The following NDUFS7 variants were observed in gnomAD, a reference collection of about 807,000 sequenced individuals.
The protein encoded by NDUFS7 is NADH:ubiquinone oxidoreductase core subunit S7, also known as NADH dehydrogenase [ubiquinone] iron-sulfur protein 7, mitochondrial.
In NDUFS7, 11 loss-of-function variants were observed where a neutral mutation model predicts 31.1. That is an observed-to-expected ratio of 0.35 (90% CI 0.22 to 0.59). The LOEUF (loss-of-function observed/expected upper bound fraction) is 0.59. Ranked by LOEUF, NDUFS7 falls within the 20% of genes least tolerant of loss-of-function variation. The probability of loss-of-function intolerance (pLI) is 0.79; values close to 1 mark genes in which losing one functional copy is unlikely to be tolerated. For synonymous variants in NDUFS7, 136 were observed against 127.9 expected, an observed-to-expected ratio of 1.06 and a Z score of -0.43; for missense variants, 263 against 324.2, an observed-to-expected ratio of 0.81 and a Z score of 1.45.
chr19:1,390,764 G>A, intron 4 of NDUFS7, 107 bp from the exon 5 acceptor site: 1 of 1,356,464 alleles, frequency 7.4e-7, no homozygotes, highest in East Asian at 2.5e-5. Context: ...TCTGCCGGCT[G>A]CCGCCCCGGG....
chr19:1,387,933 G>GGGGCC, intron 2 of NDUFS7, 86 bp downstream of exon 2: 1 of 385,714 alleles, frequency 2.6e-6, no homozygotes, highest in Non-Finnish European at 5.1e-6. Flanking sequence ...GGGGTGGGGG[G>GGGGCC]AGCGCCTTGT....
chr19:1,394,492 C>T (rs543545943), intron 7 of NDUFS7: 181 of 1,266,864 alleles, frequency 1.4e-4, no homozygotes, highest in South Asian at 2.6e-4. Context: ...GGACTGCGCT[C>T]CTCCCTCCTT....
intron 1 of NDUFS7, among the ~76,000 whole-genome samples, chr19:1,384,516 T>G (rs918683250): frequency 1.3e-5 from 2 of 152,208 alleles, no homozygotes; most frequent in African/African-American, 4.8e-5. Context: ...ATTAAATGCA[T>G]GGAATAAAAT....
intron 1 of NDUFS7, chr19:1,386,460 G>C (rs1295144225): frequency 6.6e-6 from 1 of 152,142 alleles, no homozygotes; most frequent in Non-Finnish European, 1.5e-5. Flanking sequence ...TATCGGATGA[G>C]GGCCCACCCT....
chr19:1,389,250 T>C (rs375031179), intron 4 of NDUFS7: 25 of 647,804 alleles, frequency 3.9e-5, no homozygotes, highest in Admixed American at 6.3e-5. Flanking sequence ...TGCACACTCA[T>C]GCGCACATAT....
intron 2 of NDUFS7, 40 bp from the exon 3 acceptor site, chr19:1,388,485 G>A: frequency 1.3e-6 from 2 of 1,590,856 alleles, no homozygotes; most frequent in Non-Finnish European, 1.7e-6. Flanking sequence ...AGCTGGAGGG[G>A]CCTGGGACAG....
rs1232613718 is a variant in NDUFS7, at chr19:1,390,885, C to T, written c.243C>T (p.Pro81=). The part of the protein sequence containing the change: ...VNWARRSSLW[P]MTFGLACCAV... The stretch of plus-strand genomic sequence containing the variant: ...GGCCTCCGCAGAGTTCTCTGTGGCC[C>T]ATGACCTTCGGCCTGGCCTGCTGCG... The change falls in exon 5 of 8, where the codon CCC becomes CCT. Residue 81 remains proline, a synonymous_variant. Coordinates refer to ENST00000233627, the MANE Select transcript of NDUFS7 (RefSeq NM_024407.5). 2 of 1,609,580 alleles carry T rather than the reference C, an allele frequency of 1.2e-6. No individual in the cohort carries two copies. Among genetic ancestry groups the T allele is most frequent in the Non-Finnish European group, 1.7e-6 (2 of 1,179,626 alleles).
chr19:1,385,455 G>C (rs1309233290), intron 1 of NDUFS7, among the ~76,000 whole-genome samples: 1 of 152,130 alleles, frequency 6.6e-6, no homozygotes, highest in African/African-American at 2.4e-5. Context: ...GGAGGTTGCA[G>C]TGAGCTAAGA....
chr19:1,386,227 G>GCCTCA (rs1421343046), intron 1 of NDUFS7, among the ~76,000 whole-genome samples: 15 of 152,180 alleles, frequency 9.9e-5, no homozygotes, highest in African/African-American at 3.6e-4. Flanking sequence ...TCTCCATCGG[G>GCCTCA]CCTCACCTCA....
chr19:1,393,844 A>C lies in NDUFS7; in HGVS notation c.544+514A>C. 7.0e-6 allele frequency: 2 copies of C among 284,468 alleles called. No individual in the cohort carries two copies. The allele number at this position is 284,468 out of a possible 1,614,324, so 17.6% of individuals were successfully genotyped here. ...TGTTTAGTACGAGTATATCCCAACA[A>C]TATTTGGGCTATACTGACACTAAAA... On this transcript the variant is annotated intron_variant, in intron 7 of 7. Transcript: ENST00000233627. This position sits in a 1 kb window ranked among gnomAD's most constrained non-coding sequence, Gnocchi z 7.3.
At chr19:1,388,226 T>C (rs1177549169) in intron 2 of NDUFS7, 3 of 584,670 alleles carry the variant, frequency 5.1e-6, no homozygotes, top group South Asian at 2.0e-5. Context: ...ACCTTGGTCA[T>C]GTGTGGAGGG....
Position 1,393,058 on chromosome 19 carries a change from C to T in NDUFS7, c.456-184C>T, listed in dbSNP as rs2082568010. 1.6e-6 allele frequency: 1 copy of T among 623,870 alleles called. No homozygotes were observed. The highest frequency in any genetic ancestry group is 1.8e-5 in the South Asian group (1 of 54,764). 38.6% of individuals were successfully genotyped at this position (623,870 alleles called of 1,614,324 possible). A position where few individuals can be genotyped will look rare whatever the true frequency, so the allele number is the denominator to read the frequency against. On this transcript the variant is annotated intron_variant, in intron 6 of 7. Transcript: ENST00000233627. The surrounding 1 kb of genome is among the most constrained non-coding windows in gnomAD (Gnocchi z 7.3). ...TATCAGCCACGTGTGAGCTTGCGCC[C>T]CACTGGTCCCACAGAGGCTCTGGGA...
rs1457534307 is a variant in NDUFS7 at position 1,395,485 on chromosome 19, G to A, written c.639G>A (p.Arg213=). ...GGAGGCTGCAGATCTGGTACCGCAG[G>A]TAGCGCCGCCGCCGCCGCCGCCGGA... ...RERRLQIWYR[R] Residue 213 remains arginine, a synonymous_variant, in exon 8 of 8, where the codon AGG becomes AGA. Transcript: ENST00000233627. The A allele has an allele frequency of 2.5e-6, 4 of 1,579,490 alleles. No homozygotes were observed. Among genetic ancestry groups the A allele is most frequent in the Admixed American group, 3.7e-5 (2 of 53,650 alleles).
At chr19:1,394,667 T>C in intron 7 of NDUFS7, 2 of 1,217,740 alleles carry the variant, frequency 1.6e-6, no homozygotes, top group South Asian at 1.4e-5. Context: ...CCTCCCTCCC[T>C]CCCTGCGGAC....
In NDUFS7 at chr19:1,393,901, C is replaced by A. The variant is rs915566914; in HGVS notation, c.544+571C>A. The A allele has an allele frequency of 8.6e-6, 2 of 232,612 alleles. No homozygotes were observed. Among genetic ancestry groups the A allele is most frequent in the African/African-American group, 2.3e-5 (1 of 44,384 alleles). The allele number at this position is 232,612 out of a possible 1,614,324, so 14.4% of individuals were successfully genotyped here. On this transcript the variant is annotated intron_variant, in intron 7 of 7. Transcript: ENST00000233627. The surrounding 1 kb of genome is among the most constrained non-coding windows in gnomAD (Gnocchi z 7.3). The stretch of plus-strand genomic sequence containing the variant: ...TTGGCTGCATACCTGAAATTCACAT[C>A]GCACCGGGAACATTCTTTATATCTG...
chr19:1,388,889 G>A lies in NDUFS7; in HGVS notation c.179G>A (p.Gly60Asp). 4.3e-6 allele frequency: 7 copies of A among 1,609,786 alleles called. No homozygotes were observed. The highest frequency in any genetic ancestry group is 5.1e-6 in the Non-Finnish European group (6 of 1,178,532). ...GTGGCTCCCAAACCCAGCAGCCGGG[G>A]CGAGTATGTGGTGGCCAAGCTGGAT... is the stretch of plus-strand genomic sequence containing the variant. ...RAVAPKPSSR[G>D]EYVVAKLDDL... Residue 60 changes from glycine (G) to aspartate (D), a missense_variant, in exon 4 of 8, where the codon GGC becomes GAC. By Grantham distance (94) the Gly-to-Asp change is moderately conservative. Coordinates refer to ENST00000233627, the MANE Select transcript of NDUFS7 (RefSeq NM_024407.5).
chr19:1,392,952 G>T, intron 6 of NDUFS7: 1 of 507,658 alleles, frequency 2.0e-6, no homozygotes, highest in Non-Finnish European at 3.6e-6. Flanking sequence ...GCTTTTTGTT[G>T]ACACATGTGA....
chr19:1,386,080 G>A (rs1266975785), intron 1 of NDUFS7, among the ~76,000 whole-genome samples: 1 of 152,204 alleles, frequency 6.6e-6, no homozygotes, highest in East Asian at 1.9e-4. Context: ...GCCTGGACGG[G>A]GCCATGGGAA....
chr19:1,390,745 C>T, intron 4 of NDUFS7, 126 bp from the exon 5 acceptor site: 2 of 1,087,256 alleles, frequency 1.8e-6, no homozygotes, highest in Non-Finnish European at 2.7e-6. Context: ...AGCCGCTGTG[C>T]CTCTCACCTC....
Sources: gnomAD v4.1 joint callset for allele counts (sites outside exome capture counted in the v4.1 genomes callset) on GRCh38, gnomAD v4.1.1 for gene constraint, Gnocchi (gnomAD v3.1) non-coding constraint, MANE v1.5 for transcripts, NCBI Gene and HGNC (gene_info 2026-07-23, HGNC 2026-07-21) for gene names.